The following CLMN variants were observed in gnomAD, a reference collection of about 807,000 sequenced individuals.
CLMN encodes the protein calmin, also known as calmin (calponin-like, transmembrane).
A neutral mutation model predicts 92.7 loss-of-function variants in CLMN; 57 were observed. The ratio of observed to expected loss-of-function variants is 0.61; its 90% CI spans 0.50 to 0.77. CLMN has a LOEUF of 0.77. Among genes scored for constraint, CLMN ranks in the 30% least tolerant of loss-of-function variants. The probability of loss-of-function intolerance (pLI) is 0.00; values close to 1 mark genes in which losing one functional copy is unlikely to be tolerated. For missense variants in CLMN, 1,158 were observed against 1,237.5 expected, an observed-to-expected ratio of 0.94 and a Z score of 0.96; for synonymous variants, 466 against 470.6, an observed-to-expected ratio of 0.99 and a Z score of 0.13.
chr14:95,268,751 C>A (rs1168317964), intron 1 of CLMN, among the ~76,000 whole-genome samples: 1 of 148,230 alleles, frequency 6.7e-6, no homozygotes, highest in Non-Finnish European at 1.5e-5. Context: ...GTTACCACTG[C>A]AGAAACTAGT....
At chr14:95,295,524 C>T (rs1405373822) in intron 1 of CLMN, among the ~76,000 whole-genome samples, 2 of 152,222 alleles carry the variant, frequency 1.3e-5, no homozygotes, top group Non-Finnish European at 2.9e-5. Flanking sequence ...GAAACTCTGT[C>T]AGTCTGCCCG....
Position 95,246,838 on chromosome 14 carries a change from C to T in CLMN, c.83-16705G>A, listed in dbSNP as rs1898591271. 2.6e-5 allele frequency among the ~76,000 whole-genome samples: 4 copies of T among 152,146 alleles called. No homozygotes were observed. In the South Asian group the frequency reaches 8.3e-4, roughly 31 times the overall value. On this transcript the variant is annotated intron_variant, in intron 1 of 12. Transcript: ENST00000298912. ...CACCATAGCTGAATTATAATAAAAC[C>T]CACATTTTAAAATATCCCTGCCCCC...
Position 95,189,534 on chromosome 14 carries a change from T to C in CLMN, c.*2030A>G, listed in dbSNP as rs1566853412. The C allele has an allele frequency of 2.0e-5, 3 of 152,138 alleles. No individual in the cohort carries two copies. The highest frequency in any genetic ancestry group is 2.0e-4 in the Admixed American group (3 of 15,278). The allele number at this position is 152,138 out of a possible 1,614,324, so 9.4% of individuals were successfully genotyped here. ...CTTTCAGGCATCTTGCCAGTAGATG[T>C]TTTAAACAATATTACAAGTTGTAAT... On this transcript the variant is annotated 3_prime_UTR_variant, in exon 13 of 13. Coordinates refer to ENST00000298912, the MANE Select transcript of CLMN (RefSeq NM_024734.4).
intron 4 of CLMN, among the ~76,000 whole-genome samples, chr14:95,219,303 C>A (rs948632129): frequency 6.6e-6 from 1 of 152,126 alleles, no homozygotes; most frequent in East Asian, 1.9e-4. Context: ...GAGGTCAATA[C>A]GGTGGAAGGA....
At chr14:95,288,037 A>G (rs1480800472) in intron 1 of CLMN, among the ~76,000 whole-genome samples, 1 of 152,246 alleles carries the variant, frequency 6.6e-6, no homozygotes, top group Non-Finnish European at 1.5e-5. Flanking sequence ...AGCAGAGAAA[A>G]CAGAATCATA....
At chr14:95,208,877 AGCAC>A (rs935323809) in intron 8 of CLMN, among the ~76,000 whole-genome samples, 6 of 152,194 alleles carry the variant, frequency 3.9e-5, no homozygotes, top group African/African-American at 1.4e-4. Context: ...TCCTTTGTCT[AGCAC>A]ATCCATGCCA....
At chr14:95,287,030 CA>C (rs750148482) in intron 1 of CLMN, among the ~76,000 whole-genome samples, 2 of 152,216 alleles carry the variant, frequency 1.3e-5, no homozygotes, top group Non-Finnish European at 2.9e-5. Context: ...GTCATCCCCG[CA>C]AGGCTACCAC....
chr14:95,205,994 T>C (rs1190828386), intron 8 of CLMN, among the ~76,000 whole-genome samples: 1 of 152,160 alleles, frequency 6.6e-6, no homozygotes, highest in East Asian at 1.9e-4. Context: ...ACTGATTAAA[T>C]GACAGAGTTT....
chr14:95,230,007 T>C, intron 2 of CLMN, 65 bp downstream of exon 2: 2 of 1,489,978 alleles, frequency 1.3e-6, no homozygotes, highest in Non-Finnish European at 1.9e-6. Flanking sequence ...CCCTCCACTC[T>C]CTGGAACTGT....
chr14:95,307,460 T>G (rs1901334633), intron 1 of CLMN: 1 of 152,356 alleles, frequency 6.6e-6, no homozygotes, highest in South Asian at 2.1e-4. Flanking sequence ...AGCACTTATC[T>G]GATTCCTGCT....
chr14:95,272,825 T>C (rs537432934), intron 1 of CLMN, among the ~76,000 whole-genome samples: 27 of 152,198 alleles, frequency 1.8e-4, no homozygotes, highest in Non-Finnish European at 3.1e-4. Flanking sequence ...AGGGAAAACG[T>C]TGGGGCCAAG....
chr14:95,315,288 C>T (rs915635174), intron 1 of CLMN, among the ~76,000 whole-genome samples: 1 of 152,094 alleles, frequency 6.6e-6, no homozygotes, highest in African/African-American at 2.4e-5. Context: ...GCCTTTTTCT[C>T]GTGGTCACAT....
intron 1 of CLMN, among the ~76,000 whole-genome samples, chr14:95,316,574 G>C (rs770391377): frequency 3.3e-5 from 5 of 152,232 alleles, no homozygotes; most frequent in Non-Finnish European, 7.3e-5. Context: ...GATGACCTAT[G>C]ACATCACAAT....
intron 3 of CLMN, 79 bp from the exon 4 acceptor site, chr14:95,221,853 T>TTGG: frequency 1.5e-6 from 2 of 1,362,446 alleles, no homozygotes; most frequent in Non-Finnish European, 2.0e-6. Flanking sequence ...CTGCTGGGTG[T>TTGG]GCTTTACTTT....
At position 95,194,422 on chromosome 14, in the gene CLMN, A is replaced by G. The variant is rs1156574870; in HGVS notation, c.2769+114T>C. ...TCCAATCTGCTTGTCTTCTATCCAAAAGTATAGCTGTTGCATGCCAGTAAT... is the reference window on the plus strand; with the variant it reads ...TCCAATCTGCTTGTCTTCTATCCAAGAGTATAGCTGTTGCATGCCAGTAAT... On this transcript the variant is annotated intron_variant, in intron 11 of 12. Coordinates refer to ENST00000298912, the MANE Select transcript of CLMN (RefSeq NM_024734.4). This position sits in a 1 kb window ranked among gnomAD's most constrained non-coding sequence, Gnocchi z 4.0. 5.1e-6 allele frequency: 8 copies of G among 1,572,934 alleles called. No individual in the cohort carries two copies. The highest frequency in any genetic ancestry group is 3.6e-5 in the Admixed American group (2 of 55,526).
In CLMN at chr14:95,186,195, C is replaced by T. The variant is rs1184519442; in HGVS notation, c.*5369G>A. Reference sequence around the variant, plus strand: ...TGAGGCACTGAACGCTTACATAATTCCTGAGGTTTTCGAACAGTCTGTGAC... The same window carrying T: ...TGAGGCACTGAACGCTTACATAATTTCTGAGGTTTTCGAACAGTCTGTGAC... On this transcript the variant is annotated 3_prime_UTR_variant, in exon 13 of 13. Transcript: ENST00000298912. 6.6e-6 allele frequency: 1 copy of T among 152,170 alleles called. No individual in the cohort carries two copies. Among genetic ancestry groups the T allele is most frequent in the Non-Finnish European group, 1.5e-5 (1 of 68,038 alleles). The allele number at this position is 152,170 out of a possible 1,614,324, so 9.4% of individuals were successfully genotyped here.
rs60507839 is a variant in CLMN, at chr14:95,194,738, TTA to T, written c.2709-144_2709-143del. ...CAGCCAGGGACAGAAATGACAGATTTTATATCTAACATGCCTACTTTGGTTGG... is the reference window on the plus strand; with the variant it reads ...CAGCCAGGGACAGAAATGACAGATTTTATCTAACATGCCTACTTTGGTTGG... On this transcript the variant is annotated intron_variant, in intron 10 of 12. Coordinates refer to ENST00000298912, the MANE Select transcript of CLMN (RefSeq NM_024734.4). The surrounding 1 kb of genome is among the most constrained non-coding windows in gnomAD (Gnocchi z 4.0). 5.6e-3 allele frequency: 4,118 copies of T among 729,698 alleles called. 122 individuals are homozygous for T. In the African/African-American group the frequency reaches 0.064, roughly 11 times the overall value. 45.2% of individuals were successfully genotyped at this position (729,698 alleles called of 1,614,324 possible). A position where few individuals can be genotyped will look rare whatever the true frequency, so the allele number is the denominator to read the frequency against.
intron 2 of CLMN, among the ~76,000 whole-genome samples, chr14:95,229,100 T>C (rs774251993): frequency 7.9e-5 from 12 of 152,172 alleles, no homozygotes; most frequent in Non-Finnish European, 1.3e-4. Context: ...TAGTGGTGCT[T>C]AAGGAGAAAG....
chr14:95,233,319 TCATCCCTCCATCCACCCATC>T (rs556799981), intron 1 of CLMN, among the ~76,000 whole-genome samples: 35 of 151,946 alleles, frequency 2.3e-4, no homozygotes, highest in Middle Eastern at 3.4e-3. Context: ...CATCCATCCA[TCATCCCTCCATCCACCCATC>T]CATCCATCCA....
Sources: allele counts gnomAD v4.1 joint callset (sites outside exome capture counted in the v4.1 genomes callset), GRCh38; gene constraint gnomAD v4.1.1; non-coding constraint Gnocchi (gnomAD v3.1); transcripts MANE v1.5; gene names NCBI Gene and HGNC (gene_info 2026-07-23, HGNC 2026-07-21).